The following P2RX7 variants were observed in gnomAD, a reference collection of about 807,000 sequenced individuals.
P2RX7 encodes purinergic receptor P2X 7, also known as P2X purinoceptor 7.
Under a neutral mutation model 71.6 loss-of-function variants are expected in P2RX7, and 62 were observed. The observed-to-expected ratio is 0.87, with a 90% CI of 0.71 to 1.07. The LOEUF (loss-of-function observed/expected upper bound fraction) is 1.07, where lower values mean the gene tolerates loss of function less well. Ranked by LOEUF, P2RX7 falls within the 50% of genes least tolerant of loss-of-function variation. P2RX7 has a pLI of 0.00. For missense variants in P2RX7, 686 were observed against 748.5 expected (o/e 0.92, Z 0.97); for synonymous variants, 299 against 283.3 (o/e 1.06, Z -0.56).
chr12:121,133,014 C>A lies in P2RX7; in HGVS notation c.44C>A (p.Thr15Lys). Reference sequence around the variant, plus strand: ...TGCAGTGATGTTTTCCAGTATGAGACGAACAAAGTCACTCGGATCCAGAGC... The same window carrying A: ...TGCAGTGATGTTTTCCAGTATGAGAAGAACAAAGTCACTCGGATCCAGAGC... ...CSCSDVFQYETNKVTRIQSMN... is the reference protein window; with the variant it reads ...CSCSDVFQYEKNKVTRIQSMN... Residue 15 changes from threonine to lysine, a missense_variant, in exon 1 of 13, where the codon ACG (threonine) becomes AAG (lysine). Coordinates refer to ENST00000328963, the MANE Select transcript of P2RX7 (RefSeq NM_002562.6). The A allele has an allele frequency of 6.2e-7, 1 of 1,613,974 alleles. No individual in the cohort carries two copies. Among genetic ancestry groups the A allele is most frequent in the Non-Finnish European group, 8.5e-7 (1 of 1,179,968 alleles).
chr12:121,145,602 G>A (rs566297091), intron 1 of P2RX7, among the ~76,000 whole-genome samples: 175 of 151,892 alleles, frequency 1.2e-3, no homozygotes, highest in African/African-American at 3.7e-3. Flanking sequence ...TGCCTCCTGG[G>A]TTCAAGTGAT....
intron 1 of P2RX7, among the ~76,000 whole-genome samples, chr12:121,139,090 T>C (rs111935452): frequency 0.038 from 5,714 of 152,230 alleles, 342 homozygotes; most frequent in African/African-American, 0.13. Flanking sequence ...TATTGGTGCA[T>C]GCCACTACAC....
chr12:121,180,791 C>T (rs747878959), intron 12 of P2RX7, among the ~76,000 whole-genome samples: 7 of 151,924 alleles, frequency 4.6e-5, no homozygotes, highest in South Asian at 2.1e-4. Flanking sequence ...GGTGAAACCT[C>T]GTCTCTACTA....
intron 3 of P2RX7, among the ~76,000 whole-genome samples, chr12:121,157,063 C>G (rs1287664152): frequency 6.6e-6 from 1 of 152,222 alleles, no homozygotes; most frequent in Non-Finnish European, 1.5e-5. Context: ...CTTAAACCAG[C>G]TTTTCTTCTA....
chr12:121,140,922 C>A (rs1718149), intron 1 of P2RX7, among the ~76,000 whole-genome samples: 23,399 of 151,984 alleles, frequency 0.15, 3,072 homozygotes, highest in African/African-American at 0.36. Context: ...CCCATCTCTA[C>A]TAAAAATACA....
chr12:121,155,962 T>C lies in P2RX7; in HGVS notation c.295-117T>C, dbSNP rs1160260250. 6.6e-6 allele frequency: 6 copies of C among 906,986 alleles called. No individual in the cohort carries two copies. The African/African-American group carries it at 6.6e-5, about 10-fold the overall frequency. The allele number at this position is 906,986 out of a possible 1,614,324, so 56.2% of individuals were successfully genotyped here. On this transcript the variant is annotated intron_variant, in intron 2 of 12. Coordinates refer to ENST00000328963, the MANE Select transcript of P2RX7 (RefSeq NM_002562.6). The stretch of plus-strand genomic sequence containing the variant: ...TGGCATATTCCAAGTTGCCCACAGA[T>C]CCTGATTTCTAGAAGCTTAGAAAAG...
intron 12 of P2RX7, 132 bp from the exon 13 acceptor site, chr12:121,184,173 A>G (rs1442626720): frequency 1.8e-6 from 2 of 1,114,528 alleles, no homozygotes; most frequent in East Asian, 5.2e-5. Flanking sequence ...TGGTCCTGAT[A>G]TCTACACCTA....
chr12:121,177,909 G>A (rs1292603338), intron 11 of P2RX7, among the ~76,000 whole-genome samples: 1 of 151,898 alleles, frequency 6.6e-6, no homozygotes, highest in African/African-American at 2.4e-5. Context: ...AGTAGAGATG[G>A]TGTTTAGCTA....
intron 8 of P2RX7, among the ~76,000 whole-genome samples, chr12:121,172,625 T>C (rs1184416744): frequency 6.6e-6 from 1 of 152,036 alleles, no homozygotes; most frequent in Non-Finnish European, 1.5e-5. Flanking sequence ...AGCCAGATCC[T>C]GTCTCAAAAA....
In P2RX7 at chr12:121,149,940, C is replaced by T. The variant is rs965738226; in HGVS notation, c.126-4845C>T. On this transcript the variant is annotated intron_variant, in intron 1 of 12. Coordinates refer to ENST00000328963, the MANE Select transcript of P2RX7 (RefSeq NM_002562.6). The surrounding 1 kb of genome is among the most constrained non-coding windows in gnomAD (Gnocchi z 4.7). Reference sequence around the variant, plus strand: ...CACTCCCGTTAGCTCCAGGTACCAGCGGCTTTGCCTTCTACAGAATGCATA... The same window carrying T: ...CACTCCCGTTAGCTCCAGGTACCAGTGGCTTTGCCTTCTACAGAATGCATA... 2.6e-5 allele frequency among the ~76,000 whole-genome samples: 4 copies of T among 152,130 alleles called. No homozygotes were observed. The highest frequency in any genetic ancestry group is 7.2e-5 in the African/African-American group (3 of 41,424).
rs372778665 is a variant in P2RX7 at position 121,175,417 on chromosome 12, T to C, written c.911T>C (p.Val304Ala). 11 of 1,604,630 alleles carry C rather than the reference T, an allele frequency of 6.9e-6. No individual in the cohort carries two copies. Among genetic ancestry groups the C allele is most frequent in the African/African-American group, 4.0e-5 (3 of 74,772 alleles). The change falls in exon 9 of 13, where the codon GTT (valine) becomes GCT (alanine). Residue 304 changes from valine to alanine, a missense_variant. Val to Ala is a moderately conservative substitution (Grantham distance 64). Coordinates refer to ENST00000328963, the MANE Select transcript of P2RX7 (RefSeq NM_002562.6). The part of the protein sequence containing the change: ...RYAKYYKENN[V>A]EKRTLIKVFG... ...GCCAAGTACTACAAGGAAAACAATGTTGAGAAACGGACTCTGATAAAAGTC... is the reference window on the plus strand; with the variant it reads ...GCCAAGTACTACAAGGAAAACAATGCTGAGAAACGGACTCTGATAAAAGTC...
chr12:121,168,976 T>G (rs945389875), intron 8 of P2RX7, among the ~76,000 whole-genome samples: 5 of 152,236 alleles, frequency 3.3e-5, no homozygotes, highest in Admixed American at 3.3e-4. Flanking sequence ...GTTTCATTTT[T>G]TTTTCTGAGA....
intron 1 of P2RX7, among the ~76,000 whole-genome samples, chr12:121,134,406 C>CT (rs1873071245): frequency 6.6e-6 from 1 of 151,942 alleles, no homozygotes; most frequent in African/African-American, 2.4e-5. Flanking sequence ...TTGTTTTTGT[C>CT]TTTGAGATGA....
At chr12:121,144,649 G>C (rs527609050) in intron 1 of P2RX7, among the ~76,000 whole-genome samples, 6 of 152,342 alleles carry the variant, frequency 3.9e-5, no homozygotes, top group Admixed American at 1.3e-4. Context: ...AGAGAGTAGA[G>C]GGGACAGGGT....
chr12:121,146,093 C>T (rs927881832), intron 1 of P2RX7, among the ~76,000 whole-genome samples: 4 of 152,086 alleles, frequency 2.6e-5, no homozygotes, highest in African/African-American at 9.7e-5. Flanking sequence ...CTCCCTGTAA[C>T]TTTCGCCTTT....
In P2RX7 at chr12:121,184,288, G is replaced by GA; in HGVS notation, c.1291-14dup. ...GGGCTTGTCATGGCTAATAGGTTTG[G>GA]AAACTTGCTTTTTCAGAGACCTGCG... is the stretch of plus-strand genomic sequence containing the variant. On this transcript the variant is annotated splice_polypyrimidine_tract_variant and intron_variant, in intron 12 of 12. Coordinates refer to ENST00000328963, the MANE Select transcript of P2RX7 (RefSeq NM_002562.6). 6.4e-7 allele frequency: 1 copy of GA among 1,573,906 alleles called. No individual in the cohort carries two copies. Among genetic ancestry groups the GA allele is most frequent in the Non-Finnish European group, 8.6e-7 (1 of 1,160,210 alleles).
chr12:121,144,062 T>C (rs931009102), intron 1 of P2RX7, among the ~76,000 whole-genome samples: 1 of 152,198 alleles, frequency 6.6e-6, no homozygotes, highest in East Asian at 1.9e-4. Context: ...CTCCTGGTGG[T>C]TGCTCAACCC....
intron 1 of P2RX7, among the ~76,000 whole-genome samples, chr12:121,152,669 G>A (rs1232181700): frequency 3.3e-5 from 5 of 152,286 alleles, no homozygotes; most frequent in South Asian, 4.1e-4. Context: ...ACAGGCTCAC[G>A]CCACCGTACC....
At chr12:121,176,846 C>G (rs1377146505) in intron 9 of P2RX7, among the ~76,000 whole-genome samples, 3 of 151,658 alleles carry the variant, frequency 2.0e-5, no homozygotes, top group Non-Finnish European at 4.4e-5. Context: ...AGAAGCTTGT[C>G]TGAAACCCTC....
Sources: allele counts gnomAD v4.1 joint callset (sites outside exome capture counted in the v4.1 genomes callset), GRCh38; gene constraint gnomAD v4.1.1; non-coding constraint Gnocchi (gnomAD v3.1); transcripts MANE v1.5; gene names NCBI Gene and HGNC (gene_info 2026-07-23, HGNC 2026-07-21).